Variants in STS observed in about 807,000 individuals in gnomAD.
The protein encoded by STS is steryl-sulfatase.
Under a neutral mutation model 26.8 loss-of-function variants are expected in STS, and 7 were observed. The ratio of observed to expected loss-of-function variants is 0.26; its 90% CI spans 0.15 to 0.49. STS has a LOEUF of 0.49. STS is among the 20% of genes least tolerant of loss of function. The pLI is 0.98. For missense variants in STS, 434 were observed against 465.6 expected (o/e 0.93, Z 0.63); for synonymous variants, 199 against 189.4 (o/e 1.05, Z -0.42).
At chrX:7,268,104 G>C (rs1304266554) in intron 6 of STS, among the ~76,000 whole-genome samples, 1 of 110,593 alleles carries the variant, frequency 9.0e-6, no homozygotes, top group Non-Finnish European at 1.9e-5. Context: ...GTAATCAAGG[G>C]GTGGGGGGGA....
chrX:7,161,700 C>T (rs73627534), intron 1 of STS, among the ~76,000 whole-genome samples: 303 of 111,834 alleles, frequency 2.7e-3, no homozygotes, highest in African/African-American at 9.1e-3. Flanking sequence ...TGTGCCAACC[C>T]GAGCAGATTG....
At chrX:7,193,068 G>A (rs1933907375) in intron 2 of STS, among the ~76,000 whole-genome samples, 1 of 112,436 alleles carries the variant, frequency 8.9e-6, no homozygotes, top group African/African-American at 3.2e-5. Flanking sequence ...TGACCTTTTA[G>A]GATTTTTCTT....
At chrX:7,219,648 T>A (rs1921461387) in intron 2 of STS, 2 of 1,211,220 alleles carry the variant, frequency 1.7e-6, no homozygotes, top group Admixed American at 2.2e-5. Flanking sequence ...ACAGCTCAGT[T>A]CCCCAACAAC....
At chrX:7,154,778 A>C (rs1933099208) in intron 1 of STS, among the ~76,000 whole-genome samples, 1 of 112,063 alleles carries the variant, frequency 8.9e-6, no homozygotes, top group African/African-American at 3.2e-5. Context: ...AATCAAACAC[A>C]GGAGTGAATG....
chrX:7,301,253 A>G (rs1341946132), intron 7 of STS, among the ~76,000 whole-genome samples: 4 of 109,213 alleles, frequency 3.7e-5, no homozygotes, highest in Admixed American at 2.9e-4. Flanking sequence ...ATAGCCAGGC[A>G]TGGTGATACT....
chrX:7,160,679 A>G lies in STS; in HGVS notation c.-134+12596A>G, dbSNP rs140726422. ...TGTCTATGCGGGAGATGTCTTTGCC[A>G]TCCAATGCATTCCCTGAAAGATTGG... On this transcript the variant is annotated intron_variant, in intron 1 of 10. Transcript: ENST00000674429. Among the ~76,000 whole-genome samples the G allele has an allele frequency of 6.4e-4, 72 of 112,538 alleles. No homozygotes were observed. The East Asian group carries it at 7.8e-3, about 12-fold the overall frequency.
At chrX:7,305,929 T>C (rs1346317981) in intron 8 of STS, among the ~76,000 whole-genome samples, 1 of 111,971 alleles carries the variant, frequency 8.9e-6, no homozygotes, top group Non-Finnish European at 1.9e-5. Context: ...ATTCACAGGT[T>C]ACAGGGATTA....
intron 1 of STS, among the ~76,000 whole-genome samples, chrX:7,175,410 C>T (rs958885084): frequency 9.0e-6 from 1 of 110,540 alleles, no homozygotes; most frequent in East Asian, 2.9e-4. Context: ...AGGAAGATAA[C>T]CTGAGGCCAG....
chrX:7,157,989 A>G (rs1157217021), intron 1 of STS, among the ~76,000 whole-genome samples: 1 of 112,361 alleles, frequency 8.9e-6, no homozygotes, highest in Non-Finnish European at 1.9e-5. Context: ...CCTCACAGCA[A>G]GGAGAGAAGT....
rs146614617 is a variant in STS, at chrX:7,212,541, G to A, written c.-5+21533G>A. Among the ~76,000 whole-genome samples, 96 of 111,922 alleles carry A rather than the reference G, an allele frequency of 8.6e-4. 1 individual carries two copies. Among genetic ancestry groups the A allele is most frequent in the African/African-American group, 2.9e-3 (88 of 30,816 alleles). ...ATACTAGGGACGCTAAAAGTTTGCT[G>A]TTTATAAAGGGGATTTTATACAATG... is the stretch of plus-strand genomic sequence containing the variant. On this transcript the variant is annotated intron_variant, in intron 2 of 10. Coordinates refer to ENST00000674429, the MANE Select transcript of STS (RefSeq NM_001320752.2).
intron 8 of STS, among the ~76,000 whole-genome samples, 164 bp from the exon 9 acceptor site, chrX:7,325,175 T>C (rs1927357940): frequency 2.7e-5 from 3 of 111,949 alleles, no homozygotes; most frequent in Non-Finnish European, 3.8e-5. Context: ...TATTCCTTTT[T>C]TCAATACAAC....
chrX:7,277,780 T>C (rs1924612136), intron 7 of STS, among the ~76,000 whole-genome samples: 1 of 112,552 alleles, frequency 8.9e-6, no homozygotes, highest in South Asian at 3.6e-4. Flanking sequence ...CTCGTACATA[T>C]ACCAATACAA....
chrX:7,333,206 A>C (rs1927844015), intron 9 of STS, among the ~76,000 whole-genome samples: 1 of 112,529 alleles, frequency 8.9e-6, no homozygotes, highest in African/African-American at 3.2e-5. Context: ...TCTCATTTTG[A>C]TGGCAATGGC....
chrX:7,305,264 A>G lies in STS; in HGVS notation c.1081+81A>G, dbSNP rs1926157832. ...TTTTTCTTGATTTTCGAGCTTTTCC[A>G]TAGTTCTTCTGCTACTTTGCAATAG... On this transcript the variant is annotated intron_variant, in intron 8 of 10. Transcript: ENST00000674429. 3.5e-6 allele frequency: 4 copies of G among 1,143,086 alleles called. No individual in the cohort carries two copies. The South Asian group carries it at 7.3e-5, about 21-fold the overall frequency. The allele number at this position is 1,143,086 out of a possible 1,213,427, so 94.2% of individuals were successfully genotyped here. A position where few individuals can be genotyped will look rare whatever the true frequency, so the allele number is the denominator to read the frequency against.
chrX:7,210,066 A>G (rs1283023840), intron 2 of STS, among the ~76,000 whole-genome samples: 1 of 111,435 alleles, frequency 9.0e-6, no homozygotes, highest in African/African-American at 3.3e-5. Flanking sequence ...GTTATTGTAA[A>G]TAGTGTTGCA....
At chrX:7,331,572 T>C (rs1427635735) in intron 9 of STS, among the ~76,000 whole-genome samples, 1 of 111,864 alleles carries the variant, frequency 8.9e-6, no homozygotes, top group Non-Finnish European at 1.9e-5. Context: ...TGAAAGTGGA[T>C]TGGCCCATCT....
rs1928753101 is a variant in STS at position 7,350,547 on chromosome X, G to A, written c.*286G>A. 5 of 344,663 alleles carry A rather than the reference G, an allele frequency of 1.5e-5. No individual in the cohort carries two copies. The highest frequency in any genetic ancestry group is 2.5e-5 in the Non-Finnish European group (5 of 198,475). 28.4% of individuals were successfully genotyped at this position (344,663 alleles called of 1,213,427 possible). ...GAATGAATAGAGGGGCATTCACAAG[G>A]CACACCAGTGCAAGCAGATGACAAA... On this transcript the variant is annotated 3_prime_UTR_variant, in exon 11 of 11. Coordinates refer to ENST00000674429, the MANE Select transcript of STS (RefSeq NM_001320752.2).
In STS at chrX:7,325,400, G is replaced by T. The variant is rs142061458; in HGVS notation, c.1143G>T (p.Arg381Ser). Residue 381 changes from arginine (R) to serine (S), a missense_variant, in exon 9 of 11, where the codon AGG (arginine) becomes AGT (serine). Physicochemically the swap from Arg to Ser is moderately radical, Grantham distance 110 (BLOSUM62 -1). Coordinates refer to ENST00000674429, the MANE Select transcript of STS (RefSeq NM_001320752.2). ...IRVPGILRWP[R>S]VIQAGQKIDE... ...TTCCAGGCATCCTTCGTTGGCCCAG[G>T]GTGATACAGGCTGGCCAGAAGATTG... 5.0e-6 allele frequency: 6 copies of T among 1,209,222 alleles called. No homozygotes were observed. In the South Asian group the frequency reaches 7.0e-5, roughly 14 times the overall value.
At position 7,350,265 on chromosome X, in the gene STS, C is replaced by T; in HGVS notation, c.*4C>T. On this transcript the variant is annotated 3_prime_UTR_variant, in exon 11 of 11. Coordinates refer to ENST00000674429, the MANE Select transcript of STS (RefSeq NM_001320752.2). ...GGATAAGAGACTGAGCCGCTAGCAG[C>T]GCCTGGGGACCAGACAGACGCATGT... 8 of 1,205,131 alleles carry T rather than the reference C, an allele frequency of 6.6e-6. No individual in the cohort carries two copies. Among genetic ancestry groups the T allele is most frequent in the South Asian group, 1.8e-5 (1 of 56,166 alleles).
Sources: gnomAD v4.1 joint callset for allele counts (sites outside exome capture counted in the v4.1 genomes callset) on GRCh38, gnomAD v4.1.1 for gene constraint, MANE v1.5 for transcripts, NCBI Gene and HGNC (gene_info 2026-07-23, HGNC 2026-07-21) for gene names.